KCNH1: variants seen among roughly 807,000 people sequenced by gnomAD.
The protein encoded by KCNH1 is voltage-gated delayed rectifier potassium channel KCNH1.
A neutral mutation model predicts 69.2 loss-of-function variants in KCNH1; 27 were observed. The ratio of observed to expected loss-of-function variants is 0.39; its 90% CI spans 0.29 to 0.54. KCNH1 has a LOEUF of 0.54. Ranked by LOEUF, KCNH1 falls within the 20% of genes least tolerant of loss-of-function variation. The probability of loss-of-function intolerance (pLI) is 0.68; values close to 1 mark genes in which losing one functional copy is unlikely to be tolerated. For missense variants in KCNH1, 798 were observed against 1,261.6 expected (o/e 0.63, Z 5.57); for synonymous variants, 456 against 487.7 (o/e 0.93, Z 0.86).
intron 10 of KCNH1, among the ~76,000 whole-genome samples, chr1:210,698,274 G>A (rs1216642295): frequency 6.6e-6 from 1 of 152,136 alleles, no homozygotes; most frequent in Non-Finnish European, 1.5e-5. Context: ...AAACACTGCA[G>A]ACTGGCCCCA....
chr1:210,919,410 G>A lies in KCNH1; in HGVS notation c.1462+230C>T, dbSNP rs2102560986. 1.9e-6 allele frequency: 1 copy of A among 526,620 alleles called. No homozygotes were observed. The highest frequency in any genetic ancestry group is 2.5e-5 in the South Asian group (1 of 39,776). 32.6% of individuals were successfully genotyped at this position (526,620 alleles called of 1,614,324 possible). On this transcript the variant is annotated intron_variant, in intron 7 of 10. Transcript: ENST00000271751. This position sits in a 1 kb window ranked among gnomAD's most constrained non-coding sequence, Gnocchi z 4.2. ...TATTAGTAGTTATCTCTGAAAAGCAGAATTATGGATAGTCTTTACTTTCTA... is the reference window on the plus strand; with the variant it reads ...TATTAGTAGTTATCTCTGAAAAGCAAAATTATGGATAGTCTTTACTTTCTA...
At chr1:211,041,958 T>TTGGC (rs1160359661) in intron 5 of KCNH1, among the ~76,000 whole-genome samples, 1 of 152,170 alleles carries the variant, frequency 6.6e-6, no homozygotes, top group African/African-American at 2.4e-5. Context: ...TTTCATCATG[T>TTGGC]TGGCCAGGCT....
chr1:210,901,711 G>C (rs1200129270), intron 7 of KCNH1, among the ~76,000 whole-genome samples: 1 of 152,232 alleles, frequency 6.6e-6, no homozygotes, highest in Non-Finnish European at 1.5e-5. Flanking sequence ...CCACTACTAA[G>C]AAAGTTAAGA....
At chr1:211,055,106 A>G (rs1690280535) in intron 5 of KCNH1, among the ~76,000 whole-genome samples, 1 of 152,180 alleles carries the variant, frequency 6.6e-6, no homozygotes, top group Non-Finnish European at 1.5e-5. Flanking sequence ...AGCCAAAAAA[A>G]TCAAGTGAGC....
At chr1:210,917,279 GAAAAGA>G (rs1687365056) in intron 7 of KCNH1, among the ~76,000 whole-genome samples, 2 of 139,504 alleles carry the variant, frequency 1.4e-5, no homozygotes, top group Admixed American at 7.1e-5. Context: ...AAGAAAGAAA[GAAAAGA>G]AAAGAAAGAG....
chr1:210,957,290 G>A (rs1230499347), intron 6 of KCNH1, among the ~76,000 whole-genome samples: 1 of 152,052 alleles, frequency 6.6e-6, no homozygotes, highest in Non-Finnish European at 1.5e-5. Context: ...AGTTTGTTGT[G>A]ATTTCTGTTC....
chr1:210,892,150 C>T (rs1450768582), intron 7 of KCNH1, among the ~76,000 whole-genome samples: 2 of 151,638 alleles, frequency 1.3e-5, no homozygotes, highest in African/African-American at 2.4e-5. Context: ...CACAATGGCA[C>T]GTGTATACCT....
intron 7 of KCNH1, among the ~76,000 whole-genome samples, chr1:210,903,755 C>T (rs958495263): frequency 2.6e-5 from 4 of 152,212 alleles, no homozygotes; most frequent in African/African-American, 9.6e-5. Context: ...TGGACCAATA[C>T]TGCAGAGCAG....
intron 6 of KCNH1, among the ~76,000 whole-genome samples, chr1:210,965,308 A>C (rs1255894308): frequency 6.6e-6 from 1 of 152,162 alleles, no homozygotes; most frequent in Non-Finnish European, 1.5e-5. Context: ...AGGAAGTCAA[A>C]TTGTCCCTGT....
At chr1:210,855,267 C>T (rs760683050) in intron 7 of KCNH1, among the ~76,000 whole-genome samples, 1 of 152,202 alleles carries the variant, frequency 6.6e-6, no homozygotes, top group Non-Finnish European at 1.5e-5. Context: ...AAGACACTCA[C>T]TCTCTCACAC....
chr1:211,098,468 A>G (rs1691199187), intron 3 of KCNH1, among the ~76,000 whole-genome samples: 1 of 152,184 alleles, frequency 6.6e-6, no homozygotes, highest in Admixed American at 6.5e-5. Flanking sequence ...GTCCTTCAAC[A>G]TATGTAATGG....
At chr1:210,822,474 A>G (rs920819295) in intron 7 of KCNH1, among the ~76,000 whole-genome samples, 4 of 152,148 alleles carry the variant, frequency 2.6e-5, no homozygotes, top group Admixed American at 6.5e-5. Context: ...TACCGACTCA[A>G]TTATTTCCAC....
intron 7 of KCNH1, among the ~76,000 whole-genome samples, chr1:210,810,183 C>T (rs924064480): frequency 1.3e-5 from 2 of 152,066 alleles, no homozygotes; most frequent in African/African-American, 4.8e-5. Flanking sequence ...AATAGCTTAG[C>T]TTGGTGTAGA....
At chr1:210,719,389 T>C (rs1016364037) in intron 10 of KCNH1, among the ~76,000 whole-genome samples, 4 of 152,106 alleles carry the variant, frequency 2.6e-5, no homozygotes, top group African/African-American at 9.7e-5. Context: ...CATTTTAGTA[T>C]ACACCCAGAC....
rs535376230 is a variant in KCNH1 at position 210,678,755 on chromosome 1, G to A, written c.*4526C>T. 6.6e-6 allele frequency: 1 copy of A among 152,266 alleles called. No homozygotes were observed. The highest frequency in any genetic ancestry group is 2.4e-5 in the African/African-American group (1 of 41,556). The allele number at this position is 152,266 out of a possible 1,614,324, so 9.4% of individuals were successfully genotyped here. A position where few individuals can be genotyped will look rare whatever the true frequency, so the allele number is the denominator to read the frequency against. ...AATATTAAGAGAATACATTCATTAG[G>A]GGAGGGTGCATCCTTCAACATAAGA... On this transcript the variant is annotated 3_prime_UTR_variant, in exon 11 of 11. Coordinates refer to ENST00000271751, the MANE Select transcript of KCNH1 (RefSeq NM_172362.3).
rs181107881 is a variant in KCNH1, at chr1:210,845,213, C to T, written c.1463-41047G>A. Reference sequence around the variant, plus strand: ...AATCAATAGAAAAAGAGGGAATCCTCCCCAACTCATTTTATGAGGCCAGCA... The same window carrying T: ...AATCAATAGAAAAAGAGGGAATCCTTCCCAACTCATTTTATGAGGCCAGCA... On this transcript the variant is annotated intron_variant, in intron 7 of 10. Transcript: ENST00000271751. Among the ~76,000 whole-genome samples, 13 of 152,322 alleles carry T rather than the reference C, an allele frequency of 8.5e-5. No homozygotes were observed. In the East Asian group the frequency reaches 2.5e-3, roughly 29 times the overall value.
At chr1:211,081,400 G>A (rs1424676873) in intron 5 of KCNH1, among the ~76,000 whole-genome samples, 3 of 152,226 alleles carry the variant, frequency 2.0e-5, no homozygotes, top group African/African-American at 4.8e-5. Flanking sequence ...CATTGTGGAA[G>A]ACAGTGTGGT....
intron 7 of KCNH1, among the ~76,000 whole-genome samples, chr1:210,889,319 A>G (rs1334035982): frequency 2.0e-5 from 3 of 152,218 alleles, no homozygotes; most frequent in Non-Finnish European, 2.9e-5. Flanking sequence ...GATTATTTCC[A>G]TAGATGCAAA....
chr1:210,947,975 T>C (rs1197885524), intron 6 of KCNH1, among the ~76,000 whole-genome samples: 1 of 150,948 alleles, frequency 6.6e-6, no homozygotes. Context: ...GGGGTAGGGG[T>C]TGGGGGCAGA....
Sources: gnomAD v4.1 joint callset for allele counts (sites outside exome capture counted in the v4.1 genomes callset) on GRCh38, gnomAD v4.1.1 for gene constraint, Gnocchi (gnomAD v3.1) non-coding constraint, MANE v1.5 for transcripts, NCBI Gene and HGNC (gene_info 2026-07-23, HGNC 2026-07-21) for gene names.